SH3GLB1: variants seen among roughly 807,000 people sequenced by gnomAD.
The protein encoded by SH3GLB1 is endophilin-B1.
In SH3GLB1, 17 loss-of-function variants were observed where a neutral mutation model predicts 42.0. The ratio of observed to expected loss-of-function variants is 0.40; its 90% CI spans 0.28 to 0.61. The LOEUF (loss-of-function observed/expected upper bound fraction) is 0.61. Among genes scored for constraint, SH3GLB1 ranks in the 20% least tolerant of loss-of-function variants. The pLI, the probability that SH3GLB1 is intolerant of heterozygous loss-of-function variation, is 0.36. For synonymous variants in SH3GLB1, 132 were observed against 146.6 expected (o/e 0.90, Z 0.72); for missense variants, 355 against 426.3 (o/e 0.83, Z 1.47).
intron 5 of SH3GLB1, among the ~76,000 whole-genome samples, chr1:86,725,877 G>A (rs1327844538): frequency 6.6e-6 from 1 of 152,048 alleles, no homozygotes; most frequent in Non-Finnish European, 1.5e-5. Context: ...CTAGAGAAGA[G>A]CTATCTTTGA....
At chr1:86,721,974 GA>G (rs1313163575) in intron 3 of SH3GLB1, among the ~76,000 whole-genome samples, 2 of 147,938 alleles carry the variant, frequency 1.4e-5, no homozygotes, top group Non-Finnish European at 3.0e-5. Flanking sequence ...TGACAAGGGA[GA>G]AAAGTCTGTA....
intron 5 of SH3GLB1, among the ~76,000 whole-genome samples, chr1:86,732,399 T>C (rs1322565370): frequency 6.6e-6 from 1 of 152,236 alleles, no homozygotes; most frequent in African/African-American, 2.4e-5. Flanking sequence ...CCCTTTCTTA[T>C]CTATCTTTCT....
Position 86,704,989 on chromosome 1 carries a change from G to A in SH3GLB1, c.72+18G>A, listed in dbSNP as rs1388948654. ...CCGTGCAGGTACCCTGGTGCTGGGG[G>A]GAAAAGGGGTGGCGGCGCCCGGGAA... On this transcript the variant is annotated intron_variant, in intron 1 of 8. Coordinates refer to ENST00000370558, the MANE Select transcript of SH3GLB1 (RefSeq NM_016009.5). The A allele has an allele frequency of 2.6e-6, 4 of 1,546,188 alleles. No individual in the cohort carries two copies. Among genetic ancestry groups the A allele is most frequent in the Non-Finnish European group, 3.5e-6 (4 of 1,142,894 alleles).
rs1654931415 is a variant in SH3GLB1, at chr1:86,722,655, A to G, written c.459A>G (p.Gly153=). Reference sequence around the variant, plus strand: ...CTCCTTTAAGAAACTTTATAGAAGGAGATTACAAAACAATTGCTGTGAGTT... The same window carrying G: ...CTCCTTTAAGAAACTTTATAGAAGGGGATTACAAAACAATTGCTGTGAGTT... ...FLTPLRNFIE[G]DYKTIAKERK... The change falls in exon 4 of 9, where the codon GGA becomes GGG. Residue 153 remains glycine (G), a synonymous_variant. Transcript: ENST00000370558. 6.2e-7 allele frequency: 1 copy of G among 1,604,044 alleles called. No individual in the cohort carries two copies. Among genetic ancestry groups the G allele is most frequent in the African/African-American group, 1.3e-5 (1 of 74,400 alleles).
chr1:86,740,354 C>T (rs1655997826), intron 7 of SH3GLB1, among the ~76,000 whole-genome samples: 2 of 152,164 alleles, frequency 1.3e-5, no homozygotes, highest in East Asian at 3.9e-4. Context: ...GCATGTGGAC[C>T]CACTTGAGGT....
intron 3 of SH3GLB1, among the ~76,000 whole-genome samples, chr1:86,720,496 G>A (rs1654806555): frequency 1.3e-5 from 2 of 152,134 alleles, no homozygotes; most frequent in South Asian, 4.1e-4. Context: ...ATTAGTTGCT[G>A]TACAGACTTT....
chr1:86,707,320 A>G (rs1335892865), intron 1 of SH3GLB1, among the ~76,000 whole-genome samples: 1 of 152,224 alleles, frequency 6.6e-6, no homozygotes, highest in Non-Finnish European at 1.5e-5. Flanking sequence ...CAGCAGGAAG[A>G]AGTACAAAGA....
intron 5 of SH3GLB1, 67 bp downstream of exon 5, chr1:86,724,472 C>G (rs574498566): frequency 8.1e-7 from 1 of 1,237,134 alleles, no homozygotes; most frequent in Non-Finnish European, 1.1e-6. Context: ...GCTAATAAAC[C>G]ATGAAAGATA....
At chr1:86,727,534 G>A (rs993442269) in intron 5 of SH3GLB1, among the ~76,000 whole-genome samples, 2 of 151,794 alleles carry the variant, frequency 1.3e-5, no homozygotes, top group Non-Finnish European at 2.9e-5. Flanking sequence ...TTCACTTTAG[G>A]GTTCCTTAGC....
chr1:86,720,624 T>C (rs1353843573), intron 3 of SH3GLB1, among the ~76,000 whole-genome samples: 2 of 152,242 alleles, frequency 1.3e-5, no homozygotes, highest in African/African-American at 4.8e-5. Flanking sequence ...TTATGTCTAA[T>C]AATAATTCTC....
intron 2 of SH3GLB1, 26 bp downstream of exon 2, chr1:86,715,891 C>T: frequency 6.3e-7 from 1 of 1,585,948 alleles, no homozygotes; most frequent in East Asian, 2.3e-5. Context: ...TCTTGTGTAC[C>T]TTAAGTACTA....
intron 8 of SH3GLB1, 70 bp downstream of exon 8, chr1:86,742,506 G>A: frequency 8.8e-7 from 1 of 1,142,120 alleles, no homozygotes; most frequent in Non-Finnish European, 1.3e-6. Context: ...ATAACAAAAT[G>A]CAAATTCCTC....
chr1:86,744,926 A>C lies in SH3GLB1; in HGVS notation c.*1691A>C, dbSNP rs1317347228. The C allele has an allele frequency of 1.3e-5, 2 of 152,218 alleles. No individual in the cohort carries two copies. The highest frequency in any genetic ancestry group is 2.9e-5 in the Non-Finnish European group (2 of 68,040). The allele number at this position is 152,218 out of a possible 1,614,324, so 9.4% of individuals were successfully genotyped here. On this transcript the variant is annotated 3_prime_UTR_variant, in exon 9 of 9. Coordinates refer to ENST00000370558, the MANE Select transcript of SH3GLB1 (RefSeq NM_016009.5). ...TAAAGAAACCCTGAAAAGCTGCTCA[A>C]GCTGGTCAGTTTTCTGTAAAACCAA...
rs74739981 is a variant in SH3GLB1, at chr1:86,725,209, G to A, written c.570+804G>A. 8.4e-3 allele frequency among the ~76,000 whole-genome samples: 1,274 copies of A among 151,484 alleles called. 14 individuals carry two copies. Among genetic ancestry groups the A allele is most frequent in the Middle Eastern group, 0.014 (4 of 292 alleles). ...TGTGTGTGACTTAAAAATTAGATCAGTTCCCTTTCCACACACTGCTCAAAC... is the reference window on the plus strand; with the variant it reads ...TGTGTGTGACTTAAAAATTAGATCAATTCCCTTTCCACACACTGCTCAAAC... On this transcript the variant is annotated intron_variant, in intron 5 of 8. Coordinates refer to ENST00000370558, the MANE Select transcript of SH3GLB1 (RefSeq NM_016009.5).
rs150537049 is a variant in SH3GLB1 at position 86,741,621 on chromosome 1, G to A, written c.762-587G>A. ...ATTTGAATGTCTACCTTCTCACTAT[G>A]TGTATGTCCTTAAGGGAATAGTATC... On this transcript the variant is annotated intron_variant, in intron 7 of 8. Transcript: ENST00000370558. 2.0e-4 allele frequency among the ~76,000 whole-genome samples: 30 copies of A among 152,178 alleles called. No homozygotes were observed. In the East Asian group the frequency reaches 4.6e-3, roughly 24 times the overall value.
At chr1:86,740,092 G>A (rs1655983827) in intron 7 of SH3GLB1, among the ~76,000 whole-genome samples, 1 of 151,842 alleles carries the variant, frequency 6.6e-6, no homozygotes, top group East Asian at 1.9e-4. Flanking sequence ...AGAGGTTGCA[G>A]TGAGCCAAGA....
chr1:86,738,940 A>T (rs988525524), intron 7 of SH3GLB1, among the ~76,000 whole-genome samples: 1 of 152,220 alleles, frequency 6.6e-6, no homozygotes, highest in African/African-American at 2.4e-5. Flanking sequence ...CACCACGTCC[A>T]TCTGCAAGTT....
intron 7 of SH3GLB1, among the ~76,000 whole-genome samples, chr1:86,736,783 A>G (rs1379311512): frequency 2.0e-5 from 3 of 152,216 alleles, no homozygotes; most frequent in South Asian, 2.1e-4. Flanking sequence ...TCCACCCTCA[A>G]TTATATTATT....
chr1:86,720,267 T>G (rs1558307565), intron 3 of SH3GLB1, among the ~76,000 whole-genome samples: 1 of 152,192 alleles, frequency 6.6e-6, no homozygotes, highest in Non-Finnish European at 1.5e-5. Flanking sequence ...ATATGTCTCT[T>G]CATTTTTAAA....
Sources: allele counts gnomAD v4.1 joint callset (sites outside exome capture counted in the v4.1 genomes callset), GRCh38; gene constraint gnomAD v4.1.1; transcripts MANE v1.5; gene names NCBI Gene and HGNC (gene_info 2026-07-23, HGNC 2026-07-21).